MICAL2: variants seen among roughly 807,000 people sequenced by gnomAD.
MICAL2 encodes the protein microtubule associated monooxygenase, calponin and LIM domain containing 2.
In MICAL2, 77 loss-of-function variants were observed where a neutral mutation model predicts 127.3. That is an observed-to-expected ratio of 0.60 (90% CI 0.50 to 0.73). The LOEUF is 0.73. MICAL2 is among the 30% of genes least tolerant of loss of function. The pLI, the probability that MICAL2 is intolerant of heterozygous loss-of-function variation, is 0.00. For missense variants in MICAL2, 1,351 were observed against 1,434.4 expected, an observed-to-expected ratio of 0.94 and a Z score of 0.94; for synonymous variants, 570 against 551.1, an observed-to-expected ratio of 1.03 and a Z score of -0.48.
At chr11:12,360,118 TTA>T (rs1491512481), downstream of MICAL2, among the ~76,000 whole-genome samples, 1,596 of 24,138 alleles carry the variant, frequency 0.066, 31 homozygotes, top group Middle Eastern at 0.077. Context: ...CTTTTTTTTT[TTA>T]AAAAAAAAAT....
chr11:12,355,902 A>G (rs1201776198), intron 34 of MICAL2, among the ~76,000 whole-genome samples: 2 of 152,168 alleles, frequency 1.3e-5, no homozygotes, highest in Non-Finnish European at 2.9e-5. Context: ...CATTTTTTAT[A>G]TGTCAGAGGG....
At chr11:12,313,671 T>G (rs1023209120) in intron 29 of MICAL2, among the ~76,000 whole-genome samples, 4 of 152,186 alleles carry the variant, frequency 2.6e-5, no homozygotes, top group South Asian at 4.1e-4. Flanking sequence ...TAGGTCAAAT[T>G]TATTAATAGT....
In MICAL2 at chr11:12,256,991, C is replaced by A. The variant is rs755756578; in HGVS notation, c.3142+20C>A. 3.8e-6 allele frequency: 6 copies of A among 1,599,742 alleles called. No individual in the cohort carries two copies. In the African/African-American group the frequency reaches 6.7e-5, roughly 18 times the overall value. On this transcript the variant is annotated intron_variant, in intron 24 of 27. Coordinates refer to ENST00000683283, the MANE Select transcript of MICAL2 (RefSeq NM_001282663.2). ...ATGAAGGTAACCCCAGGGGCCAGGGCAGCACTGGGCTCTGGCCTTGGCCTC... is the reference window on the plus strand; with the variant it reads ...ATGAAGGTAACCCCAGGGGCCAGGGAAGCACTGGGCTCTGGCCTTGGCCTC...
intron 1 of MICAL2, among the ~76,000 whole-genome samples, chr11:12,127,675 G>T (rs1184507140): frequency 1.2e-4 from 18 of 152,338 alleles, no homozygotes; most frequent in Non-Finnish European, 2.9e-5. Flanking sequence ...GCCCACAGTT[G>T]ATCCTCTTCG....
intron 2 of MICAL2, among the ~76,000 whole-genome samples, chr11:12,150,367 C>T (rs1853432482): frequency 6.6e-6 from 1 of 151,788 alleles, no homozygotes; most frequent in African/African-American, 2.4e-5. Context: ...GTCAAGGCTG[C>T]AGTGAGCCGT....
chr11:12,256,819 G>A lies in MICAL2; in HGVS notation c.2990G>A (p.Gly997Glu). The A allele has an allele frequency of 6.2e-7, 1 of 1,613,778 alleles. No individual in the cohort carries two copies. The highest frequency in any genetic ancestry group is 8.5e-7 in the Non-Finnish European group (1 of 1,179,772). ...CGAAAGTCATTTCCCCTTAACCTGG[G>A]AGGCAGCGACACGTGTTACTTCTGT... ...SMRKSFPLNL[G>E]GSDTCYFCKK... is the part of the protein sequence containing the mutation. Residue 997 changes from glycine to glutamate, a missense_variant, in exon 24 of 28, where the codon GGA (glycine) becomes GAA (glutamate). Around this residue, in one of 2 missense-constraint regions of MICAL2, gnomAD observed 752 missense variants for 719.4 expected, o/e 1.05. Transcript: ENST00000683283.
At position 12,120,158 on chromosome 11, in the gene MICAL2, T is replaced by A. The variant is rs533117903; in HGVS notation, c.-149+9432T>A. 5.9e-5 allele frequency among the ~76,000 whole-genome samples: 9 copies of A among 152,340 alleles called. No individual in the cohort carries two copies. The East Asian group carries it at 1.5e-3, about 26-fold the overall frequency. On this transcript the variant is annotated intron_variant, in intron 1 of 27. Transcript: ENST00000683283. ...ATCATGAACACCTCCCCCAGAGCCT[T>A]GGGGCTTAGAATTCCCACCTTTGTT...
intron 2 of MICAL2, among the ~76,000 whole-genome samples, chr11:12,139,552 G>A (rs186512562): frequency 2.0e-5 from 3 of 152,272 alleles, no homozygotes; most frequent in South Asian, 2.1e-4. Context: ...CCTGGTGGGC[G>A]CTGAGGGATC....
chr11:12,160,376 C>A (rs530808699), intron 2 of MICAL2, among the ~76,000 whole-genome samples: 1 of 152,170 alleles, frequency 6.6e-6, no homozygotes, highest in African/African-American at 2.4e-5. Flanking sequence ...ATCATCTTCC[C>A]AAAGACTTGT....
intron 1 of MICAL2, among the ~76,000 whole-genome samples, chr11:12,277,419 A>G (rs1863733672): frequency 6.6e-6 from 1 of 152,180 alleles, no homozygotes; most frequent in African/African-American, 2.4e-5. Context: ...CCCCATTGCA[A>G]AGGGGCATGG....
intron 1 of MICAL2, among the ~76,000 whole-genome samples, chr11:12,126,729 A>T (rs2133515019): frequency 6.7e-6 from 1 of 150,162 alleles, no homozygotes; most frequent in Non-Finnish European, 1.5e-5. Flanking sequence ...AAATTAAGTA[A>T]CAGGAGATTT....
chr11:12,191,967 G>T (rs1484364560), intron 3 of MICAL2, among the ~76,000 whole-genome samples: 2 of 152,042 alleles, frequency 1.3e-5, no homozygotes, highest in Non-Finnish European at 2.9e-5. Context: ...AGGAGGACCA[G>T]CAAGGAGCTC....
rs575885118 is a variant in MICAL2 at position 12,261,752 on chromosome 11, G to A, written c.3335-728G>A. On this transcript the variant is annotated intron_variant, in intron 26 of 27. Coordinates refer to ENST00000683283, the MANE Select transcript of MICAL2 (RefSeq NM_001282663.2). ...CCTTGGGAAAAACAGAGGCATGGCC[G>A]TGGCCAACTCTGTGGGAACTGGCGC... The A allele has an allele frequency of 2.2e-5, 22 of 985,426 alleles. No homozygotes were observed. In the African/African-American group the frequency reaches 2.4e-4, roughly 11 times the overall value. 61.0% of individuals were successfully genotyped at this position (985,426 alleles called of 1,614,324 possible). A position where few individuals can be genotyped will look rare whatever the true frequency, so the allele number is the denominator to read the frequency against.
chr11:12,321,106 G>A (rs374094202), intron 30 of MICAL2, among the ~76,000 whole-genome samples: 11 of 152,182 alleles, frequency 7.2e-5, no homozygotes, highest in East Asian at 5.8e-4. Flanking sequence ...ATAGCAAGAC[G>A]GTGGTATTTA....
intron 32 of MICAL2, among the ~76,000 whole-genome samples, chr11:12,338,819 G>T (rs912942150): frequency 7.2e-5 from 11 of 152,226 alleles, no homozygotes; most frequent in Admixed American, 1.3e-4. Context: ...TCTGCGGAGA[G>T]ATCAGCTGTT....
At chr11:12,148,113 A>T (rs1853147355) in intron 2 of MICAL2, among the ~76,000 whole-genome samples, 1 of 151,738 alleles carries the variant, frequency 6.6e-6, no homozygotes, top group African/African-American at 2.4e-5. Flanking sequence ...CCATCTTCCA[A>T]CTCTGCATCC....
intron 1 of MICAL2, among the ~76,000 whole-genome samples, chr11:12,117,458 C>T (rs866023407): frequency 3.3e-5 from 5 of 152,242 alleles, no homozygotes; most frequent in African/African-American, 4.8e-5. Context: ...TTTGTTCCCA[C>T]GACTCTGAAT....
rs113669604 is a variant in MICAL2 at position 12,148,053 on chromosome 11, C to T, written c.-78+9593C>T. Among the ~76,000 whole-genome samples, 281 of 152,256 alleles carry T rather than the reference C, an allele frequency of 1.8e-3. 1 individual carries two copies. The highest frequency in any genetic ancestry group is 6.3e-3 in the African/African-American group (260 of 41,546). ...ATGCTCCAGCCCATCCCTTAAGATC[C>T]CGCCCTGGTACCACCTTCTCAGGGA... On this transcript the variant is annotated intron_variant, in intron 2 of 27. Transcript: ENST00000683283.
chr11:12,236,258 A>G lies in MICAL2; in HGVS notation c.2064+13A>G. Reference sequence around the variant, plus strand: ...CAACCTGGACGAGGTTTGTGTACACAGTGTGGCTTTAAACAGAGGCTCGTT... The same window carrying G: ...CAACCTGGACGAGGTTTGTGTACACGGTGTGGCTTTAAACAGAGGCTCGTT... On this transcript the variant is annotated intron_variant, in intron 16 of 27. Transcript: ENST00000683283. 6.2e-7 allele frequency: 1 copy of G among 1,613,564 alleles called. No homozygotes were observed. Among genetic ancestry groups the G allele is most frequent in the Non-Finnish European group, 8.5e-7 (1 of 1,179,420 alleles).
Sources: allele counts gnomAD v4.1 joint callset (sites outside exome capture counted in the v4.1 genomes callset), GRCh38; gene constraint gnomAD v4.1.1; regional missense constraint gnomAD v4.1.1; transcripts MANE v1.5; gene names NCBI Gene and HGNC (gene_info 2026-07-23, HGNC 2026-07-21).